Variants in DNER observed in about 807,000 individuals in gnomAD.
DNER encodes delta and Notch-like epidermal growth factor-related receptor.
A neutral mutation model predicts 78.2 loss-of-function variants in DNER; 33 were observed. The ratio of observed to expected loss-of-function variants is 0.42; its 90% CI spans 0.32 to 0.56. The LOEUF (loss-of-function observed/expected upper bound fraction) is 0.56, where lower values mean the gene tolerates loss of function less well. Ranked by LOEUF, DNER falls within the 20% of genes least tolerant of loss-of-function variation. DNER has a pLI of 0.11. For synonymous variants in DNER, 417 were observed against 384.8 expected, an observed-to-expected ratio of 1.08 and a Z score of -0.98; for missense variants, 918 against 975.3, an observed-to-expected ratio of 0.94 and a Z score of 0.78.
At chr2:229,596,406 G>A (rs1361633007) in intron 1 of DNER, among the ~76,000 whole-genome samples, 1 of 152,252 alleles carries the variant, frequency 6.6e-6, no homozygotes, top group Non-Finnish European at 1.5e-5. Context: ...GTCGACCTGA[G>A]AGGTAAGACA....
intron 8 of DNER, 95 bp downstream of exon 8, chr2:229,447,221 C>T: frequency 7.9e-7 from 1 of 1,260,466 alleles, no homozygotes; most frequent in Non-Finnish European, 1.1e-6. Flanking sequence ...CTTTTATTTA[C>T]AAGTATACCA....
intron 1 of DNER, among the ~76,000 whole-genome samples, chr2:229,618,553 A>T (rs1698204295): frequency 1.3e-5 from 2 of 152,194 alleles, no homozygotes; most frequent in African/African-American, 2.4e-5. Context: ...AGCCTCGCAA[A>T]GCTGGTGCCC....
chr2:229,461,410 T>G (rs1269302296), intron 7 of DNER, among the ~76,000 whole-genome samples: 1 of 151,310 alleles, frequency 6.6e-6, no homozygotes, highest in East Asian at 1.9e-4. Context: ...AAGGTAAGTG[T>G]TTTTTTTAAA....
intron 12 of DNER, among the ~76,000 whole-genome samples, chr2:229,360,692 G>T (rs571479501): frequency 5.3e-5 from 8 of 152,236 alleles, no homozygotes; most frequent in African/African-American, 1.9e-4. Flanking sequence ...GATTACAGGC[G>T]TGAGCCACAG....
At chr2:229,421,686 A>G (rs1434386309) in intron 8 of DNER, among the ~76,000 whole-genome samples, 2 of 151,516 alleles carry the variant, frequency 1.3e-5, no homozygotes, top group Non-Finnish European at 1.5e-5. Flanking sequence ...GAGTAAAAAT[A>G]TATACATATA....
At position 229,366,891 on chromosome 2, in the gene DNER, G is replaced by A; in HGVS notation, c.2084C>T (p.Ala695Val). 6.2e-7 allele frequency: 1 copy of A among 1,614,204 alleles called. No individual in the cohort carries two copies. The highest frequency in any genetic ancestry group is 8.5e-7 in the Non-Finnish European group (1 of 1,180,040). ...AGCCAACCTGGCATGCCGGATGGAT[G>A]CAATGGCATTGCTGAACTCGCTGTC... ...SIDSEFSNAI[A>V]SIRHARFGKK... The change falls in exon 12 of 13, where the codon GCA becomes GTA. Residue 695 changes from alanine (A) to valine (V), a missense_variant. Coordinates refer to ENST00000341772, the MANE Select transcript of DNER (RefSeq NM_139072.4).
chr2:229,559,615 A>AG (rs1433616660), intron 4 of DNER, among the ~76,000 whole-genome samples: 1 of 152,090 alleles, frequency 6.6e-6, no homozygotes, highest in African/African-American at 2.4e-5. Context: ...TAGATGCTGG[A>AG]GAAAAAAAAG....
chr2:229,546,206 A>T (rs1390048613), intron 5 of DNER, among the ~76,000 whole-genome samples: 1 of 151,868 alleles, frequency 6.6e-6, no homozygotes, highest in Non-Finnish European at 1.5e-5. Context: ...CTTCCCTTCC[A>T]CTCTTGCTAA....
chr2:229,515,635 C>CTTTTTTTTTTTTTTTTTTTTTT (rs1409850665), intron 5 of DNER, among the ~76,000 whole-genome samples: 5 of 123,252 alleles, frequency 4.1e-5, no homozygotes, highest in Admixed American at 8.8e-5. Context: ...TTCAAGTTAG[C>CTTTTTTTTTTTTTTTTTTTTTT]TTTATTTTTT....
At chr2:229,406,850 T>C (rs1341489733) in intron 10 of DNER, among the ~76,000 whole-genome samples, 2 of 152,182 alleles carry the variant, frequency 1.3e-5, no homozygotes, top group African/African-American at 4.8e-5. Flanking sequence ...AAAATAAATA[T>C]GGCAGCTGAA....
chr2:229,366,976 T>C lies in DNER; in HGVS notation c.1999A>G (p.Ile667Val), dbSNP rs1466455999. 1.2e-6 allele frequency: 2 copies of C among 1,614,148 alleles called. No homozygotes were observed. The highest frequency in any genetic ancestry group is 1.7e-6 in the Non-Finnish European group (2 of 1,180,034). The change falls in exon 12 of 13, where the codon ATT (isoleucine) becomes GTT (valine). Residue 667 changes from isoleucine to valine, a missense_variant. By Grantham distance (29) the Ile-to-Val change is conservative. Transcript: ENST00000341772. ...GGCCTGGAAGAACCCTGGTATTCAA[T>C]GCGGCTGATGCGGCAAATCCCCACG... ...LIVGICRISR[I>V]EYQGSSRPAY...
intron 1 of DNER, among the ~76,000 whole-genome samples, chr2:229,598,674 C>G (rs1574920846): frequency 6.6e-6 from 1 of 152,296 alleles, no homozygotes; most frequent in African/African-American, 2.4e-5. Flanking sequence ...ATAGCGGCAG[C>G]TTTCGGCAAA....
At chr2:229,449,273 C>T (rs1485792356) in intron 7 of DNER, among the ~76,000 whole-genome samples, 1 of 152,154 alleles carries the variant, frequency 6.6e-6, no homozygotes. Flanking sequence ...CATTTTTCAA[C>T]ATATGACAGT....
chr2:229,568,719 CT>C (rs1553540226), intron 4 of DNER, among the ~76,000 whole-genome samples: 2 of 151,802 alleles, frequency 1.3e-5, no homozygotes, highest in Non-Finnish European at 2.9e-5. Context: ...TATACGTTTC[CT>C]TTTTTTTAAA....
intron 4 of DNER, among the ~76,000 whole-genome samples, chr2:229,578,595 A>G (rs1211384055): frequency 2.0e-5 from 3 of 152,046 alleles, no homozygotes; most frequent in Non-Finnish European, 2.9e-5. Context: ...CTACTTTTCT[A>G]CTGGAACTTT....
At chr2:229,504,430 G>A (rs1310739554) in intron 6 of DNER, among the ~76,000 whole-genome samples, 1 of 151,986 alleles carries the variant, frequency 6.6e-6, no homozygotes, top group Non-Finnish European at 1.5e-5. Context: ...ATATTGGCCA[G>A]GCTAGTCTCA....
At chr2:229,509,236 T>C (rs2154212215) in intron 6 of DNER, among the ~76,000 whole-genome samples, 1 of 152,326 alleles carries the variant, frequency 6.6e-6, no homozygotes, top group African/African-American at 2.4e-5. Flanking sequence ...ACTGAAATCA[T>C]GTCAGTCCAA....
intron 5 of DNER, among the ~76,000 whole-genome samples, chr2:229,539,782 AG>A: frequency 6.6e-6 from 1 of 152,284 alleles, no homozygotes; most frequent in East Asian, 1.9e-4. Context: ...ATTCCAAAGG[AG>A]GTTCTCCATG....
At chr2:229,499,814 C>T (rs1456007794) in intron 6 of DNER, among the ~76,000 whole-genome samples, 4 of 152,032 alleles carry the variant, frequency 2.6e-5, no homozygotes, top group Admixed American at 6.6e-5. Flanking sequence ...ACTTGCAAAC[C>T]ACACGTCTGA....
Sources: allele counts gnomAD v4.1 joint callset (sites outside exome capture counted in the v4.1 genomes callset), GRCh38; gene constraint gnomAD v4.1.1; transcripts MANE v1.5; gene names NCBI Gene and HGNC (gene_info 2026-07-23, HGNC 2026-07-21).